Variants in SBNO1 observed in about 807,000 individuals in gnomAD.
SBNO1 encodes the protein strawberry notch homolog 1, also known as protein strawberry notch homolog 1.
A neutral mutation model predicts 173.6 loss-of-function variants in SBNO1; 23 were observed. The ratio of observed to expected loss-of-function variants is 0.13; its 90% CI spans 0.10 to 0.19. The LOEUF (loss-of-function observed/expected upper bound fraction) is 0.19. SBNO1 is among the 10% of genes least tolerant of loss of function. SBNO1 has a pLI of 1.00. For synonymous variants in SBNO1, 632 were observed against 571.5 expected, an observed-to-expected ratio of 1.11 and a Z score of -1.51; for missense variants, 1,238 against 1,671.2, an observed-to-expected ratio of 0.74 and a Z score of 4.52.
At chr12:123,297,813 G>A (rs954224135) in intron 31 of SBNO1, among the ~76,000 whole-genome samples, 165 bp downstream of exon 31, 3 of 152,110 alleles carry the variant, frequency 2.0e-5, no homozygotes, top group African/African-American at 7.2e-5. Context: ...TCTGTTTGAA[G>A]GCTTAACTTC....
At chr12:123,332,569 GT>G (rs1289628483) in intron 7 of SBNO1, among the ~76,000 whole-genome samples, 1 of 150,910 alleles carries the variant, frequency 6.6e-6, no homozygotes, top group Non-Finnish European at 1.5e-5. Context: ...CCGGCCAGTG[GT>G]TTTTTAGTTT....
At chr12:123,354,918 G>A (rs1251225542) in intron 1 of SBNO1, among the ~76,000 whole-genome samples, 2 of 152,104 alleles carry the variant, frequency 1.3e-5, no homozygotes, top group African/African-American at 4.8e-5. Context: ...AGCTGGGTGC[G>A]GTGACTCACA....
chr12:123,327,691 C>T lies in SBNO1; in HGVS notation c.1538+16G>A, dbSNP rs936936635. On this transcript the variant is annotated intron_variant, in intron 12 of 31. Transcript: ENST00000602398. ...AGATTGCTACTGAGAAGAGTATATA[C>T]CGTAAACTGCATTACCTCCGTTCTA... 1.3e-6 allele frequency: 2 copies of T among 1,599,392 alleles called. No homozygotes were observed. Among genetic ancestry groups the T allele is most frequent in the Non-Finnish European group, 1.7e-6 (2 of 1,166,818 alleles).
rs2048550003 is a variant in SBNO1, at chr12:123,294,103, T to A, written c.*1805A>T. 1.3e-5 allele frequency: 2 copies of A among 152,228 alleles called. No individual in the cohort carries two copies. Among genetic ancestry groups the A allele is most frequent in the Admixed American group, 6.5e-5 (1 of 15,278 alleles). 9.4% of individuals were successfully genotyped at this position (152,228 alleles called of 1,614,324 possible). ...ACTGCCTGAGATATATGAACTGGACTGAGGATAGAAGTTGCATCCGCTGGG... is the reference window on the plus strand; with the variant it reads ...ACTGCCTGAGATATATGAACTGGACAGAGGATAGAAGTTGCATCCGCTGGG... On this transcript the variant is annotated 3_prime_UTR_variant, in exon 32 of 32. Transcript: ENST00000602398.
chr12:123,340,349 G>A (rs1872382911), intron 5 of SBNO1, among the ~76,000 whole-genome samples: 1 of 152,058 alleles, frequency 6.6e-6, no homozygotes, highest in South Asian at 2.1e-4. Context: ...CGGAGGCTGA[G>A]GCGGGCAGAT....
intron 30 of SBNO1, among the ~76,000 whole-genome samples, chr12:123,300,110 C>A (rs2048735772): frequency 6.6e-6 from 1 of 152,178 alleles, no homozygotes; most frequent in Admixed American, 6.5e-5. Context: ...TCAGAATATT[C>A]ATCAATAAAG....
chr12:123,309,892 G>A (rs772431886), intron 25 of SBNO1, 36 bp from the exon 26 acceptor site: 18 of 1,509,686 alleles, frequency 1.2e-5, no homozygotes, highest in Non-Finnish European at 1.6e-5. Context: ...TCATGCAAAT[G>A]ATAATTAAAA....
At chr12:123,364,551 C>T in intron 1 of SBNO1, 150 bp downstream of exon 1, 2 of 983,424 alleles carry the variant, frequency 2.0e-6, no homozygotes, top group Non-Finnish European at 2.4e-6. Flanking sequence ...CGCGCGGCCG[C>T]GAGGAGCGGC....
intron 5 of SBNO1, among the ~76,000 whole-genome samples, chr12:123,337,842 G>C (rs999477801): frequency 2.0e-5 from 3 of 152,150 alleles, no homozygotes; most frequent in African/African-American, 7.2e-5. Context: ...TCTATGTTAA[G>C]ATAAGCAGCC....
intron 4 of SBNO1, 37 bp downstream of exon 4, chr12:123,345,221 A>G: frequency 2.0e-6 from 3 of 1,536,458 alleles, no homozygotes; most frequent in South Asian, 1.2e-5. Flanking sequence ...ATAGCTTACC[A>G]GAGAGAGAAA....
intron 2 of SBNO1, chr12:123,349,073 T>G (rs1396475596): frequency 6.6e-6 from 1 of 151,356 alleles, no homozygotes. Context: ...ATCAATTACC[T>G]GTAAACAACA....
chr12:123,328,697 C>A (rs138233957), intron 10 of SBNO1, 37 bp downstream of exon 10: 2 of 1,413,510 alleles, frequency 1.4e-6, no homozygotes, highest in South Asian at 1.7e-5. Flanking sequence ...ATTTTCTTGT[C>A]GTTAAAAAAT....
Position 123,364,800 on chromosome 12 carries a change from A to G in SBNO1, c.-100T>C, listed in dbSNP as rs1251685347. 7 of 987,508 alleles carry G rather than the reference A, an allele frequency of 7.1e-6. No homozygotes were observed. The highest frequency in any genetic ancestry group is 3.6e-6 in the Non-Finnish European group (3 of 831,298). The allele number at this position is 987,508 out of a possible 1,614,324, so 61.2% of individuals were successfully genotyped here. A position where few individuals can be genotyped will look rare whatever the true frequency, so the allele number is the denominator to read the frequency against. On this transcript the variant is annotated 5_prime_UTR_variant, in exon 1 of 32. Coordinates refer to ENST00000602398, the MANE Select transcript of SBNO1 (RefSeq NM_001167856.3). The stretch of plus-strand genomic sequence containing the variant: ...CGGAGGCGGCGGTGGCGGCGGCAGC[A>G]GCGGCGTCCTGCTCTGCCTACCTCC...
Position 123,295,953 on chromosome 12 carries a change from C to T in SBNO1, c.4137G>A (p.Trp1379Ter). Residue 1379 changes from tryptophan to a stop codon, truncating the protein, a stop_gained, in exon 32 of 32, where the codon TGG becomes TGA. Coordinates refer to ENST00000602398, the MANE Select transcript of SBNO1 (RefSeq NM_001167856.3). LOFTEE classifies it high-confidence loss of function. ...QQLAVQQKQL[W>*]QQHHPQSITN... ...TGATGCTCTGAGGGTGATGCTGTTG[C>T]CATAGCTGTTTCTGTTGGACCGCAA... 1.2e-6 allele frequency: 2 copies of T among 1,613,086 alleles called. No homozygotes were observed. Among genetic ancestry groups the T allele is most frequent in the African/African-American group, 1.3e-5 (1 of 75,020 alleles).
At chr12:123,340,396 C>T (rs1872389095) in intron 5 of SBNO1, among the ~76,000 whole-genome samples, 1 of 151,836 alleles carries the variant, frequency 6.6e-6, no homozygotes, top group African/African-American at 2.4e-5. Flanking sequence ...TCCTGGCCAA[C>T]ATGGTGAAAC....
At chr12:123,312,345 T>C (rs745804767) in intron 24 of SBNO1, among the ~76,000 whole-genome samples, 3 of 152,158 alleles carry the variant, frequency 2.0e-5, no homozygotes, top group Non-Finnish European at 4.4e-5. Context: ...CACCTCTAAC[T>C]GGTATGTCAA....
rs1378785943 is a variant in SBNO1 at position 123,293,470 on chromosome 12, A to G, written c.*2438T>C. 1 of 152,144 alleles carries G rather than the reference A, an allele frequency of 6.6e-6. No homozygotes were observed. Among genetic ancestry groups the G allele is most frequent in the Non-Finnish European group, 1.5e-5 (1 of 68,028 alleles). 9.4% of individuals were successfully genotyped at this position (152,144 alleles called of 1,614,324 possible). A position where few individuals can be genotyped will look rare whatever the true frequency, so the allele number is the denominator to read the frequency against. On this transcript the variant is annotated 3_prime_UTR_variant, in exon 32 of 32. Coordinates refer to ENST00000602398, the MANE Select transcript of SBNO1 (RefSeq NM_001167856.3). ...ACCACAGTGTAAAGGTCGGATGTCC[A>G]CCTGAAGAAGGGGTGGGTGCAACTC...
chr12:123,345,230 A>C (rs1872991824), intron 4 of SBNO1, 28 bp downstream of exon 4: 1 of 1,570,544 alleles, frequency 6.4e-7, no homozygotes, highest in Non-Finnish European at 8.7e-7. Context: ...CAGAGAGAGA[A>C]AGTTGATACT....
chr12:123,296,262 G>A (rs1253377366), intron 31 of SBNO1, among the ~76,000 whole-genome samples: 1 of 152,210 alleles, frequency 6.6e-6, no homozygotes, highest in Non-Finnish European at 1.5e-5. Context: ...ATATGCATGT[G>A]TTTAGTGTAA....
Sources: allele counts gnomAD v4.1 joint callset (sites outside exome capture counted in the v4.1 genomes callset), GRCh38; gene constraint gnomAD v4.1.1; transcripts MANE v1.5; gene names NCBI Gene and HGNC (gene_info 2026-07-23, HGNC 2026-07-21).